The following DYM variants were observed in gnomAD, a reference collection of about 807,000 sequenced individuals.
DYM encodes dyggve-Melchior-Clausen syndrome protein.
A neutral mutation model predicts 93.1 loss-of-function variants in DYM; 78 were observed. That is an observed-to-expected ratio of 0.84 (90% confidence interval 0.70 to 1.01). DYM has a LOEUF of 1.01. DYM is among the 50% of genes least tolerant of loss of function. The pLI is 0.00. For missense variants in DYM, 789 were observed against 845.0 expected (o/e 0.93, Z 0.82); for synonymous variants, 321 against 319.7 (o/e 1.00, Z -0.04).
intron 6 of DYM, among the ~76,000 whole-genome samples, chr18:49,355,861 A>G (rs567999879): frequency 6.6e-6 from 1 of 152,294 alleles, no homozygotes; most frequent in African/African-American, 2.4e-5. Context: ...TAGAAATATA[A>G]AAGGTTAAAT....
chr18:49,178,760 T>C (rs1266073670), intron 14 of DYM, among the ~76,000 whole-genome samples: 3 of 152,140 alleles, frequency 2.0e-5, no homozygotes, highest in Admixed American at 6.6e-5. Flanking sequence ...TTATTATAAC[T>C]ACCGATAATT....
intron 14 of DYM, among the ~76,000 whole-genome samples, chr18:49,187,660 C>A (rs940968984): frequency 2.0e-5 from 3 of 152,054 alleles, no homozygotes; most frequent in African/African-American, 7.2e-5. Flanking sequence ...GAGAATGAAA[C>A]TCTCCCCAAA....
chr18:49,378,791 C>G, intron 4 of DYM, 91 bp from the exon 5 acceptor site: 1 of 1,362,854 alleles, frequency 7.3e-7, no homozygotes, highest in Non-Finnish European at 1.0e-6. Flanking sequence ...ATTTGACAAC[C>G]GTTTTGTCCA....
intron 8 of DYM, among the ~76,000 whole-genome samples, chr18:49,303,894 T>C (rs2061109380): frequency 1.3e-5 from 2 of 152,228 alleles, no homozygotes; most frequent in East Asian, 1.9e-4. Flanking sequence ...CAGGACATCC[T>C]AACTAAGTCT....
At chr18:49,300,748 C>T (rs1192375430) in intron 8 of DYM, among the ~76,000 whole-genome samples, 3 of 152,110 alleles carry the variant, frequency 2.0e-5, no homozygotes, top group African/African-American at 7.2e-5. Flanking sequence ...AGATATATTC[C>T]TACCTGTGGT....
At chr18:49,259,700 A>G (rs1311919873) in intron 11 of DYM, among the ~76,000 whole-genome samples, 1 of 152,240 alleles carries the variant, frequency 6.6e-6, no homozygotes, top group Non-Finnish European at 1.5e-5. Context: ...CTGAAAGAAC[A>G]CACTAAAATG....
chr18:49,154,884 A>C (rs752936902), intron 15 of DYM, among the ~76,000 whole-genome samples: 1 of 152,164 alleles, frequency 6.6e-6, no homozygotes, highest in Non-Finnish European at 1.5e-5. Context: ...ACCATTATTT[A>C]ATAGTTGTGC....
intron 14 of DYM, among the ~76,000 whole-genome samples, chr18:49,201,952 G>A (rs2092022554): frequency 1.3e-5 from 2 of 152,100 alleles, no homozygotes; most frequent in African/African-American, 4.8e-5. Flanking sequence ...CTAATCACAC[G>A]GTAATCACTG....
At chr18:49,383,637 A>G (rs995015943) in intron 3 of DYM, among the ~76,000 whole-genome samples, 1 of 152,160 alleles carries the variant, frequency 6.6e-6, no homozygotes, top group Non-Finnish European at 1.5e-5. Flanking sequence ...CATGGGTTAC[A>G]CCCCATCCCC....
intron 15 of DYM, among the ~76,000 whole-genome samples, chr18:49,156,388 G>C (rs972992310): frequency 2.6e-5 from 4 of 151,994 alleles, no homozygotes; most frequent in Admixed American, 2.6e-4. Flanking sequence ...GATGAGAAAA[G>C]AGAAGTGTGG....
intron 14 of DYM, among the ~76,000 whole-genome samples, chr18:49,193,121 A>G (rs1361882090): frequency 6.6e-6 from 1 of 152,168 alleles, no homozygotes; most frequent in Non-Finnish European, 1.5e-5. Flanking sequence ...ATCTTTCCAC[A>G]TTGTATTAAA....
chr18:49,088,373 T>A (rs1040482337), intron 17 of DYM, among the ~76,000 whole-genome samples: 2 of 152,082 alleles, frequency 1.3e-5, no homozygotes, highest in African/African-American at 4.8e-5. Flanking sequence ...AAATAGGGAA[T>A]CCTTTCCCCA....
At position 49,332,017 on chromosome 18, in the gene DYM, A is replaced by T. The variant is rs760697259; in HGVS notation, c.621-11T>A. 1 of 1,612,366 alleles carries T rather than the reference A, an allele frequency of 6.2e-7. No individual in the cohort carries two copies. Among genetic ancestry groups the T allele is most frequent in the Admixed American group, 1.7e-5 (1 of 59,974 alleles). On this transcript the variant is annotated splice_polypyrimidine_tract_variant and intron_variant, in intron 7 of 17. Transcript: ENST00000675505. ...CTGGTGTATGGAAGACTATACAAAA[A>T]GGAAAAAAAAATCAAACTCATATTT... is the stretch of plus-strand genomic sequence containing the variant.
intron 8 of DYM, among the ~76,000 whole-genome samples, chr18:49,292,355 GACACACACACACAC>G (rs57025579): frequency 1.4e-3 from 117 of 84,744 alleles, no homozygotes; most frequent in Middle Eastern, 6.9e-3. Context: ...CAGACAGACA[GACACACACACACAC>G]ACACACACAC....
intron 8 of DYM, among the ~76,000 whole-genome samples, chr18:49,324,448 C>G (rs1185616488): frequency 6.6e-6 from 1 of 152,064 alleles, no homozygotes; most frequent in African/African-American, 2.4e-5. Flanking sequence ...GTTGTCAAGG[C>G]AAGTTCACTT....
At chr18:49,103,771 G>A (rs1460649471) in intron 16 of DYM, among the ~76,000 whole-genome samples, 31 of 152,236 alleles carry the variant, frequency 2.0e-4, no homozygotes, top group African/African-American at 6.3e-4. Context: ...ATTGGTCTAT[G>A]TCTCTGTTTT....
chr18:49,387,594 G>A (rs2068760154), intron 3 of DYM, among the ~76,000 whole-genome samples: 1 of 152,134 alleles, frequency 6.6e-6, no homozygotes, highest in Non-Finnish European at 1.5e-5. Flanking sequence ...TTGATGTCAT[G>A]TTGTCACCAG....
chr18:49,259,508 A>G (rs983576737), intron 11 of DYM, among the ~76,000 whole-genome samples: 9 of 152,210 alleles, frequency 5.9e-5, no homozygotes, highest in Admixed American at 2.6e-4. Context: ...AGAGAGTGCT[A>G]TAGATTTGTG....
intron 1 of DYM, among the ~76,000 whole-genome samples, chr18:49,447,888 TCCCTGA>T (rs1259772281): frequency 6.6e-6 from 1 of 152,168 alleles, no homozygotes; most frequent in East Asian, 1.9e-4. Flanking sequence ...AGAACAGGGC[TCCCTGA>T]CCCCCCAACA....
Sources: gnomAD v4.1 joint callset for allele counts (sites outside exome capture counted in the v4.1 genomes callset) on GRCh38, gnomAD v4.1.1 for gene constraint, MANE v1.5 for transcripts, NCBI Gene and HGNC (gene_info 2026-07-23, HGNC 2026-07-21) for gene names.